The following FBXL18 variants were observed in gnomAD, a reference collection of about 807,000 sequenced individuals.
FBXL18 encodes the protein F-box/LRR-repeat protein 18.
A neutral mutation model predicts 46.0 loss-of-function variants in FBXL18; 36 were observed. The observed-to-expected ratio is 0.78, with a 90% CI of 0.60 to 1.03. The LOEUF (loss-of-function observed/expected upper bound fraction) is 1.03, where lower values mean the gene tolerates loss of function less well. Ranked by LOEUF, FBXL18 falls within the 50% of genes least tolerant of loss-of-function variation. FBXL18 has a pLI of 0.00. For missense variants in FBXL18, 977 were observed against 1,004.1 expected (o/e 0.97, Z 0.36); for synonymous variants, 557 against 465.3 (o/e 1.20, Z -2.54).
At position 5,485,622 on chromosome 7, in the gene FBXL18, C is replaced by G. The variant is rs1012681614; in HGVS notation, c.2001-3691G>C. The stretch of plus-strand genomic sequence containing the variant: ...TGAGTCCAGGAGTTCAAGACCACCC[C>G]GGGGGCTAGGCATGGTGGCTCACAC... On this transcript the variant is annotated intron_variant, in intron 4 of 4. Transcript: ENST00000382368. 3.3e-5 allele frequency among the ~76,000 whole-genome samples: 5 copies of G among 151,866 alleles called. No individual in the cohort carries two copies. In the East Asian group the frequency reaches 9.8e-4, roughly 30 times the overall value.
chr7:5,491,520 G>T, intron 3 of FBXL18, 71 bp from the exon 4 acceptor site: 1 of 1,336,604 alleles, frequency 7.5e-7, no homozygotes, highest in Non-Finnish European at 1.0e-6. Context: ...GGCGTCTGGA[G>T]GTGCTGCCAG....
chr7:5,474,662 C>T (rs1052494932), downstream of FBXL18, among the ~76,000 whole-genome samples: 5 of 128,970 alleles, frequency 3.9e-5, no homozygotes, highest in South Asian at 2.8e-4. Context: ...AAAAATCCTC[C>T]GCTGGCAAAT....
intron 4 of FBXL18, among the ~76,000 whole-genome samples, chr7:5,460,732 C>T (rs1008669932): frequency 8.5e-5 from 13 of 152,200 alleles, no homozygotes; most frequent in African/African-American, 2.9e-4. Flanking sequence ...GGATTACAGC[C>T]GTGAGCCACC....
At chr7:5,495,379 C>A (rs1562695559) in intron 3 of FBXL18, among the ~76,000 whole-genome samples, 2 of 152,234 alleles carry the variant, frequency 1.3e-5, no homozygotes, top group African/African-American at 4.8e-5. Flanking sequence ...TGGTCACGCT[C>A]ACAGCAGCCC....
intron 4 of FBXL18, among the ~76,000 whole-genome samples, chr7:5,464,676 A>AC (rs1783315781): frequency 7.0e-6 from 1 of 143,024 alleles, no homozygotes; most frequent in South Asian, 2.2e-4. Flanking sequence ...AAAAAAAAAA[A>AC]AAAAAAACAC....
intron 4 of FBXL18, among the ~76,000 whole-genome samples, chr7:5,467,163 T>C (rs1008772956): frequency 2.0e-5 from 3 of 151,990 alleles, no homozygotes; most frequent in African/African-American, 7.2e-5. Context: ...CATCCTGGCT[T>C]ACACAGTGAA....
intron 4 of FBXL18, among the ~76,000 whole-genome samples, chr7:5,468,238 C>T (rs1212296532): frequency 1.3e-5 from 2 of 152,144 alleles, no homozygotes; most frequent in African/African-American, 4.8e-5. Context: ...CCGCCTCGGC[C>T]TCCCAAAGTG....
intron 1 of FBXL18, among the ~76,000 whole-genome samples, chr7:5,510,682 T>C (rs1212763248): frequency 7.3e-6 from 1 of 137,460 alleles, no homozygotes; most frequent in Non-Finnish European, 1.5e-5. Flanking sequence ...TGAGATCCTG[T>C]CTCCAAAAAA....
At position 5,496,339 on chromosome 7, in the gene FBXL18, GAACAC is replaced by G. The variant is rs1784080658; in HGVS notation, c.1781+4144_1781+4148del. Among the ~76,000 whole-genome samples, 1 of 152,046 alleles carries G rather than the reference GAACAC, an allele frequency of 6.6e-6. No individual in the cohort carries two copies. Among genetic ancestry groups the G allele is most frequent in the South Asian group, 2.1e-4 (1 of 4,822 alleles). ...CCGTCACCTCTGCCTCTTGCTTCCG[GAACAC>G]CCCCTCCCTCCGGCCAGTGCCTCCC... On this transcript the variant is annotated intron_variant, in intron 3 of 4. Transcript: ENST00000382368. The surrounding 1 kb of genome is among the most constrained non-coding windows in gnomAD (Gnocchi z 4.8).
chr7:5,500,360 C>G (rs1438656590), intron 3 of FBXL18, 128 bp downstream of exon 3: 6 of 825,480 alleles, frequency 7.3e-6, no homozygotes, highest in Non-Finnish European at 9.4e-6. Context: ...CGACGTGGCA[C>G]GCTGCGAGGC....
At chr7:5,512,591 C>T (rs896520189) in intron 1 of FBXL18, among the ~76,000 whole-genome samples, 8 of 152,218 alleles carry the variant, frequency 5.3e-5, no homozygotes, top group African/African-American at 1.7e-4. Context: ...GGCGACAGAG[C>T]GAGACTCTGT....
At chr7:5,497,553 C>T (rs550039148) in intron 3 of FBXL18, among the ~76,000 whole-genome samples, 3 of 152,306 alleles carry the variant, frequency 2.0e-5, no homozygotes, top group African/African-American at 4.8e-5. Context: ...GGGAGGGTGG[C>T]GCCAAGCTGG....
At chr7:5,503,528 CTT>C (rs78082612) in intron 2 of FBXL18, among the ~76,000 whole-genome samples, 46 of 146,814 alleles carry the variant, frequency 3.1e-4, no homozygotes, top group Middle Eastern at 7.0e-3. Flanking sequence ...TCATTTTTCT[CTT>C]TTTTTTTTTT....
intron 1 of FBXL18, 134 bp downstream of exon 1, chr7:5,513,523 T>A: frequency 9.9e-7 from 1 of 1,005,134 alleles, no homozygotes; most frequent in Non-Finnish European, 1.5e-6. Flanking sequence ...AAGGCCAGGG[T>A]CAGGATGGGA....
chr7:5,496,057 A>G lies in FBXL18; in HGVS notation c.1781+4431T>C. The G allele has an allele frequency of 2.7e-6, 1 of 363,790 alleles. No homozygotes were observed. 22.5% of individuals were successfully genotyped at this position (363,790 alleles called of 1,614,324 possible). A position where few individuals can be genotyped will look rare whatever the true frequency, so the allele number is the denominator to read the frequency against. Reference sequence around the variant, plus strand: ...CTGAGGAAGGCCCTTGGCCACGGGGATTCCGTCCCAGACTCCGGAGGCCAT... The same window carrying G: ...CTGAGGAAGGCCCTTGGCCACGGGGGTTCCGTCCCAGACTCCGGAGGCCAT... On this transcript the variant is annotated intron_variant, in intron 3 of 4. Coordinates refer to ENST00000382368, the MANE Select transcript of FBXL18 (RefSeq NM_024963.6). This position sits in a 1 kb window ranked among gnomAD's most constrained non-coding sequence, Gnocchi z 4.8.
chr7:5,474,005 CA>C (rs1783468264), downstream of FBXL18, among the ~76,000 whole-genome samples: 1 of 152,066 alleles, frequency 6.6e-6, no homozygotes, highest in South Asian at 2.1e-4. Context: ...CCATGTTGGT[CA>C]GGCTGGTCTC....
Position 5,481,672 on chromosome 7 carries a change from G to A in FBXL18, c.*103C>T, listed in dbSNP as rs551310427. On this transcript the variant is annotated 3_prime_UTR_variant, in exon 5 of 5. Coordinates refer to ENST00000382368, the MANE Select transcript of FBXL18 (RefSeq NM_024963.6). ...AGCCAGGTGGGGCGTGGCTGGCCGG[G>A]AGAGAGGCCCCCTTCCTCTTGTGAC... The A allele has an allele frequency of 2.1e-5, 27 of 1,295,100 alleles. No individual in the cohort carries two copies. The South Asian group carries it at 3.5e-4, about 17-fold the overall frequency. 80.2% of individuals were successfully genotyped at this position (1,295,100 alleles called of 1,614,324 possible). A position where few individuals can be genotyped will look rare whatever the true frequency, so the allele number is the denominator to read the frequency against.
rs908491619 is a variant in FBXL18 at position 5,496,305 on chromosome 7, C to T, written c.1781+4183G>A. 3.9e-5 allele frequency among the ~76,000 whole-genome samples: 6 copies of T among 152,176 alleles called. No individual in the cohort carries two copies. Among genetic ancestry groups the T allele is most frequent in the African/African-American group, 9.6e-5 (4 of 41,452 alleles). On this transcript the variant is annotated intron_variant, in intron 3 of 4. Transcript: ENST00000382368. The surrounding 1 kb of genome is among the most constrained non-coding windows in gnomAD (Gnocchi z 4.8). ...TGAGCCCAAAGGTCCCCTCCACCCG[C>T]GGTGGCTGCCGTCACCTCTGCCTCT...
At chr7:5,471,265 C>T (rs1783422620), downstream of FBXL18, among the ~76,000 whole-genome samples, 1 of 152,204 alleles carries the variant, frequency 6.6e-6, no homozygotes, top group Non-Finnish European at 1.5e-5. Flanking sequence ...ACTCCCGAGG[C>T]TTCCAGTGCA....
Sources: allele counts gnomAD v4.1 joint callset (sites outside exome capture counted in the v4.1 genomes callset), GRCh38; gene constraint gnomAD v4.1.1; non-coding constraint Gnocchi (gnomAD v3.1); transcripts MANE v1.5; gene names NCBI Gene and HGNC (gene_info 2026-07-23, HGNC 2026-07-21).